Variants in DYM observed in about 807,000 individuals in gnomAD.
The protein encoded by DYM is dymeclin.
DYM carries 78 observed loss-of-function variants against 93.1 expected under a neutral mutation model. The observed-to-expected ratio is 0.84, with a 90% CI of 0.70 to 1.01. DYM has a LOEUF of 1.01. Among genes scored for constraint, DYM ranks in the 50% least tolerant of loss-of-function variants. The pLI, the probability that DYM is intolerant of heterozygous loss-of-function variation, is 0.00. For missense variants in DYM, 789 were observed against 845.0 expected, an observed-to-expected ratio of 0.93 and a Z score of 0.82; for synonymous variants, 321 against 319.7, an observed-to-expected ratio of 1.00 and a Z score of -0.04.
chr18:49,281,262 C>T (rs1487676198), intron 10 of DYM, among the ~76,000 whole-genome samples: 4 of 152,230 alleles, frequency 2.6e-5, no homozygotes, highest in East Asian at 1.9e-4. Flanking sequence ...GATACCATCT[C>T]ACACCAGTTA....
At chr18:49,074,870 G>A (rs757143532) in intron 17 of DYM, among the ~76,000 whole-genome samples, 23 of 152,176 alleles carry the variant, frequency 1.5e-4, no homozygotes, top group African/African-American at 2.4e-4. Context: ...CTTTCAGATC[G>A]TCTCAAATTC....
chr18:49,281,519 T>C (rs1267917562), intron 10 of DYM, among the ~76,000 whole-genome samples: 1 of 152,178 alleles, frequency 6.6e-6, no homozygotes, highest in Admixed American at 6.5e-5. Context: ...TTTATGGCAG[T>C]ACTATTCACA....
intron 2 of DYM, among the ~76,000 whole-genome samples, chr18:49,393,306 A>G (rs1164734030): frequency 6.6e-6 from 1 of 152,196 alleles, no homozygotes; most frequent in Non-Finnish European, 1.5e-5. Context: ...CCATCCGGGT[A>G]GATACCCAAA....
chr18:49,378,617 T>A lies in DYM; in HGVS notation c.371A>T (p.Glu124Val). ...ATAAGTAAAATGAAGTTGTAATTCC[T>A]CCTCTGACATCTGACAGATGAACAC... ...LKVFICQMSE[E>V]ELQLHFTYEE... The change falls in exon 5 of 18, where the codon GAG (glutamate) becomes GTG (valine). Residue 124 changes from glutamate (E) to valine (V), a missense_variant. Around this residue, in one of 3 missense-constraint regions of DYM, gnomAD observed 450 missense variants for 436.2 expected, o/e 1.03. Transcript: ENST00000675505. 3 of 1,612,794 alleles carry A rather than the reference T, an allele frequency of 1.9e-6. No individual in the cohort carries two copies. The highest frequency in any genetic ancestry group is 2.5e-6 in the Non-Finnish European group (3 of 1,179,040).
intron 17 of DYM, among the ~76,000 whole-genome samples, chr18:49,092,975 G>A (rs773930879): frequency 4.6e-5 from 7 of 152,242 alleles, no homozygotes; most frequent in South Asian, 2.1e-4. Flanking sequence ...AATAAGGAGA[G>A]TTGAAGGACC....
chr18:49,286,720 C>CTA, intron 8 of DYM, 104 bp from the exon 9 acceptor site: 1 of 1,145,514 alleles, frequency 8.7e-7, no homozygotes, highest in South Asian at 1.3e-5. Flanking sequence ...ATGAGCAGTT[C>CTA]CAAAGTGTAG....
chr18:49,252,598 T>G (rs1808855757), intron 13 of DYM, among the ~76,000 whole-genome samples: 2 of 152,090 alleles, frequency 1.3e-5, no homozygotes, highest in Admixed American at 6.6e-5. Flanking sequence ...ATCAGGTGAT[T>G]TTCAGTATAC....
At chr18:49,216,137 T>A (rs992869724) in intron 13 of DYM, among the ~76,000 whole-genome samples, 1 of 151,586 alleles carries the variant, frequency 6.6e-6, no homozygotes, top group Non-Finnish European at 1.5e-5. Flanking sequence ...ACCCACGGAG[T>A]CTCACTGACT....
At chr18:49,046,821 G>A (rs2071654204) in intron 17 of DYM, among the ~76,000 whole-genome samples, 1 of 152,166 alleles carries the variant, frequency 6.6e-6, no homozygotes, top group Admixed American at 6.5e-5. Context: ...TTGAGCCCAG[G>A]AGTTCGAGGC....
chr18:49,282,913 G>GA (rs1019372278), intron 9 of DYM, among the ~76,000 whole-genome samples: 1 of 151,958 alleles, frequency 6.6e-6, no homozygotes, highest in Non-Finnish European at 1.5e-5. Flanking sequence ...GAATTAAAAA[G>GA]AAAAAAACTG....
intron 14 of DYM, among the ~76,000 whole-genome samples, chr18:49,170,304 C>T (rs1478516323): frequency 6.6e-6 from 1 of 152,098 alleles, no homozygotes; most frequent in Non-Finnish European, 1.5e-5. Context: ...CTTAACAAAT[C>T]TTCTAGGAAA....
chr18:49,290,257 T>C (rs2060026336), intron 8 of DYM, among the ~76,000 whole-genome samples: 1 of 152,026 alleles, frequency 6.6e-6, no homozygotes, highest in Non-Finnish European at 1.5e-5. Context: ...TAGATGTCTA[T>C]GTACCAACAA....
At chr18:49,102,138 T>C (rs963857084) in intron 16 of DYM, among the ~76,000 whole-genome samples, 1 of 152,218 alleles carries the variant, frequency 6.6e-6, no homozygotes, top group African/African-American at 2.4e-5. Flanking sequence ...GTGGCAACTT[T>C]GTCATTTTGT....
chr18:49,382,115 A>C (rs891206004), intron 3 of DYM, among the ~76,000 whole-genome samples: 1 of 152,164 alleles, frequency 6.6e-6, no homozygotes, highest in African/African-American at 2.4e-5. Context: ...GTAATTGTTG[A>C]ATGTATAAAT....
chr18:49,319,244 A>C (rs1425752058), intron 8 of DYM, among the ~76,000 whole-genome samples: 1 of 152,228 alleles, frequency 6.6e-6, no homozygotes, highest in East Asian at 1.9e-4. Context: ...AACTAGATCT[A>C]AAGTACAGCA....
chr18:49,188,674 C>T (rs1376373494), intron 14 of DYM, among the ~76,000 whole-genome samples: 2 of 151,838 alleles, frequency 1.3e-5, no homozygotes, highest in African/African-American at 2.4e-5. Flanking sequence ...GAACATCACA[C>T]ACTGGGGCCT....
intron 17 of DYM, among the ~76,000 whole-genome samples, chr18:49,047,569 A>G (rs902868829): frequency 6.6e-6 from 1 of 150,950 alleles, no homozygotes; most frequent in East Asian, 1.9e-4. Context: ...CCAGCTTTCT[A>G]CTCCCTCCTC....
intron 8 of DYM, among the ~76,000 whole-genome samples, chr18:49,326,857 C>T (rs1441606780): frequency 2.0e-5 from 3 of 152,052 alleles, no homozygotes. Context: ...CAGTTGGATG[C>T]TAAATTTACT....
intron 2 of DYM, among the ~76,000 whole-genome samples, chr18:49,421,709 G>C (rs2073731566): frequency 6.6e-6 from 1 of 152,228 alleles, no homozygotes; most frequent in East Asian, 1.9e-4. Context: ...ACTTCTCCGA[G>C]CTAAAGGAGG....
Sources: gnomAD v4.1 joint callset for allele counts (sites outside exome capture counted in the v4.1 genomes callset) on GRCh38, gnomAD v4.1.1 for gene constraint, gnomAD v4.1.1 regional missense constraint, MANE v1.5 for transcripts, NCBI Gene and HGNC (gene_info 2026-07-23, HGNC 2026-07-21) for gene names.